VSNL1: variants seen among roughly 807,000 people sequenced by gnomAD.
VSNL1 encodes the protein visinin like 1.
VSNL1 carries 6 observed loss-of-function variants against 20.4 expected under a neutral mutation model. That is an observed-to-expected ratio of 0.29 (90% CI 0.16 to 0.58). The LOEUF is 0.58. Among genes scored for constraint, VSNL1 ranks in the 20% least tolerant of loss-of-function variants. The pLI, the probability that VSNL1 is intolerant of heterozygous loss-of-function variation, is 0.90. For synonymous variants in VSNL1, 93 were observed against 86.4 expected, an observed-to-expected ratio of 1.08 and a Z score of -0.42; for missense variants, 100 against 234.5, an observed-to-expected ratio of 0.43 and a Z score of 3.75.
intron 1 of VSNL1, among the ~76,000 whole-genome samples, chr2:17,560,824 A>G (rs1316038416): frequency 6.6e-6 from 1 of 152,198 alleles, no homozygotes; most frequent in Admixed American, 6.5e-5. Context: ...GCTTTAGAAG[A>G]TAGATCTCTG....
rs998858943 is a variant in VSNL1 at position 17,630,522 on chromosome 2, C to T, written c.163-18888C>T. Among the ~76,000 whole-genome samples, 3 of 152,318 alleles carry T rather than the reference C, an allele frequency of 2.0e-5. No individual in the cohort carries two copies. In the South Asian group the frequency reaches 6.2e-4, roughly 32 times the overall value. ...AAAGCTATCTCAATCAAAATCTCAT[C>T]ACAGTTTGCTTTGTTTCATTGTTTT... On this transcript the variant is annotated intron_variant, in intron 2 of 3. Transcript: ENST00000295156.
intron 1 of VSNL1, among the ~76,000 whole-genome samples, chr2:17,591,479 G>A (rs1558292343): frequency 6.6e-6 from 1 of 152,132 alleles, no homozygotes; most frequent in Non-Finnish European, 1.5e-5. Context: ...AATGTTGTAC[G>A]AACTTTCTAA....
chr2:17,571,849 C>T (rs906238811), intron 1 of VSNL1, among the ~76,000 whole-genome samples: 2 of 152,172 alleles, frequency 1.3e-5, no homozygotes, highest in Non-Finnish European at 2.9e-5. Flanking sequence ...AAAGACCTGA[C>T]AGGTCACATT....
chr2:17,567,520 G>C (rs1264614359), intron 1 of VSNL1: 1 of 151,906 alleles, frequency 6.6e-6, no homozygotes, highest in African/African-American at 2.4e-5. Flanking sequence ...CACTACGCCA[G>C]GCTAATTTTT....
intron 2 of VSNL1, among the ~76,000 whole-genome samples, chr2:17,635,755 G>T (rs915067989): frequency 2.6e-5 from 4 of 152,178 alleles, no homozygotes; most frequent in African/African-American, 4.8e-5. Context: ...CAATGCTGAG[G>T]ACAGAAGGAA....
rs184339699 is a variant in VSNL1 at position 17,572,015 on chromosome 2, A to G, written c.-5-20055A>G. On this transcript the variant is annotated intron_variant, in intron 1 of 3. Coordinates refer to ENST00000295156, the MANE Select transcript of VSNL1 (RefSeq NM_003385.5). ...AAAGTGAGTATGACTGAAGCACAGT[A>G]AATAACAGAGAGGGTAATAAGAGAT... Among the ~76,000 whole-genome samples, 220 of 152,342 alleles carry G rather than the reference A, an allele frequency of 1.4e-3. 2 individuals carry two copies. The highest frequency in any genetic ancestry group is 5.1e-3 in the African/African-American group (214 of 41,576).
intron 1 of VSNL1, among the ~76,000 whole-genome samples, chr2:17,554,333 T>G (rs958309290): frequency 6.6e-6 from 1 of 152,178 alleles, no homozygotes; most frequent in African/African-American, 2.4e-5. Flanking sequence ...TGGATTGTGA[T>G]TATTGGTTCC....
intron 1 of VSNL1, among the ~76,000 whole-genome samples, chr2:17,545,095 A>G (rs1189447126): frequency 6.6e-6 from 1 of 152,194 alleles, no homozygotes; most frequent in Non-Finnish European, 1.5e-5. Flanking sequence ...TTTCCACAAT[A>G]TCTGTACAAT....
intron 1 of VSNL1, among the ~76,000 whole-genome samples, chr2:17,561,867 A>G (rs929526046): frequency 6.6e-6 from 1 of 152,214 alleles, no homozygotes; most frequent in Non-Finnish European, 1.5e-5. Flanking sequence ...CCAAGTATCT[A>G]TTCTTTTTTT....
At chr2:17,540,690 A>T (rs1663262070), upstream of VSNL1, 1 of 152,608 alleles carries the variant, frequency 6.6e-6, no homozygotes, top group South Asian at 2.1e-4. Context: ...TTTCTATGGG[A>T]TTCCCAATCT....
At chr2:17,555,410 T>A (rs1663653025) in intron 1 of VSNL1, among the ~76,000 whole-genome samples, 1 of 152,196 alleles carries the variant, frequency 6.6e-6, no homozygotes, top group Non-Finnish European at 1.5e-5. Flanking sequence ...GGAGCACTGA[T>A]TAATACAGTT....
chr2:17,549,116 T>C (rs1248377212), intron 1 of VSNL1, among the ~76,000 whole-genome samples: 1 of 152,256 alleles, frequency 6.6e-6, no homozygotes, highest in East Asian at 1.9e-4. Context: ...GAGACGCCTA[T>C]GCCTCAACTC....
At position 17,591,317 on chromosome 2, in the gene VSNL1, A is replaced by T. The variant is rs77705574; in HGVS notation, c.-5-753A>T. On this transcript the variant is annotated intron_variant, in intron 1 of 3. Coordinates refer to ENST00000295156, the MANE Select transcript of VSNL1 (RefSeq NM_003385.5). ...CTCCCTGCTGTGATGTTGGCCACAC[A>T]ACCTGGTGCTTAATGGATATAGGTA... Among the ~76,000 whole-genome samples, 431 of 152,326 alleles carry T rather than the reference A, an allele frequency of 2.8e-3. 3 individuals carry two copies. The highest frequency in any genetic ancestry group is 9.7e-3 in the African/African-American group (402 of 41,570).
chr2:17,608,597 G>A (rs1277398577), intron 2 of VSNL1, among the ~76,000 whole-genome samples: 1 of 152,178 alleles, frequency 6.6e-6, no homozygotes, highest in Non-Finnish European at 1.5e-5. Flanking sequence ...CAGCTTTCAG[G>A]ATAAGGGAAT....
At chr2:17,617,714 A>G (rs995152147) in intron 2 of VSNL1, among the ~76,000 whole-genome samples, 7 of 152,224 alleles carry the variant, frequency 4.6e-5, no homozygotes, top group African/African-American at 1.7e-4. Flanking sequence ...AGCAACACTA[A>G]GGAGGCAGCA....
intron 2 of VSNL1, among the ~76,000 whole-genome samples, chr2:17,608,769 A>G (rs191669103): frequency 6.6e-6 from 1 of 152,372 alleles, no homozygotes; most frequent in Non-Finnish European, 1.5e-5. Flanking sequence ...CCATTTCCCC[A>G]AGAATCAATC....
chr2:17,656,516 C>A lies in VSNL1; in HGVS notation c.*1122C>A, dbSNP rs1265340026. On this transcript the variant is annotated 3_prime_UTR_variant, in exon 4 of 4. Coordinates refer to ENST00000295156, the MANE Select transcript of VSNL1 (RefSeq NM_003385.5). ...ACAGCAGGTAGGCTGCAGGTGTCCC[C>A]CAACATAAGTCAGTAGGAAAGAAGA... The A allele has an allele frequency of 6.6e-6, 1 of 152,158 alleles. No homozygotes were observed. Among genetic ancestry groups the A allele is most frequent in the African/African-American group, 2.4e-5 (1 of 41,422 alleles). 9.4% of individuals were successfully genotyped at this position (152,158 alleles called of 1,614,324 possible). A position where few individuals can be genotyped will look rare whatever the true frequency, so the allele number is the denominator to read the frequency against.
intron 2 of VSNL1, among the ~76,000 whole-genome samples, chr2:17,627,412 G>A (rs935242562): frequency 3.3e-5 from 5 of 152,178 alleles, no homozygotes; most frequent in African/African-American, 9.7e-5. Context: ...ATCAAGACAC[G>A]GGAATTGCAA....
At chr2:17,570,963 T>C (rs1050286155) in intron 1 of VSNL1, among the ~76,000 whole-genome samples, 1 of 151,922 alleles carries the variant, frequency 6.6e-6, no homozygotes, top group Non-Finnish European at 1.5e-5. Context: ...GAGGCGAAGA[T>C]TGCAGTAAGC....
Sources: gnomAD v4.1 joint callset for allele counts (sites outside exome capture counted in the v4.1 genomes callset) on GRCh38, gnomAD v4.1.1 for gene constraint, MANE v1.5 for transcripts, NCBI Gene and HGNC (gene_info 2026-07-23, HGNC 2026-07-21) for gene names.